The following ZNF529 variants were observed in gnomAD, a reference collection of about 807,000 sequenced individuals.
ZNF529 encodes the protein zinc finger protein 529.
In ZNF529, 11 loss-of-function variants were observed where a neutral mutation model predicts 10.1. The ratio of observed to expected loss-of-function variants is 1.09; its 90% CI spans 0.69 to 1.81. The LOEUF (loss-of-function observed/expected upper bound fraction) is 1.81. Ranked by LOEUF, ZNF529 falls within the 40% of genes most tolerant of loss-of-function variation. The pLI is 0.00. For synonymous variants in ZNF529, 204 were observed against 215.7 expected, an observed-to-expected ratio of 0.95 and a Z score of 0.47; for missense variants, 624 against 666.8, an observed-to-expected ratio of 0.94 and a Z score of 0.71.
Position 36,546,726 on chromosome 19 carries a change from G to A in ZNF529, c.*140C>T, listed in dbSNP as rs371856197. On this transcript the variant is annotated 3_prime_UTR_variant, in exon 5 of 5. Coordinates refer to ENST00000591340, the MANE Select transcript of ZNF529 (RefSeq NM_020951.5). ...ATCAGCTATGACTAAGCAATTCTAC[G>A]TCTACATACAGAATGACCATGAAGT... 3.2e-5 allele frequency: 27 copies of A among 854,636 alleles called. No homozygotes were observed. The highest frequency in any genetic ancestry group is 1.6e-4 in the South Asian group (8 of 51,346). The allele number at this position is 854,636 out of a possible 1,614,324, so 52.9% of individuals were successfully genotyped here. A position where few individuals can be genotyped will look rare whatever the true frequency, so the allele number is the denominator to read the frequency against.
intron 2 of ZNF529, among the ~76,000 whole-genome samples, chr19:36,585,638 T>C (rs1018832653): frequency 6.6e-6 from 1 of 152,230 alleles, no homozygotes; most frequent in Non-Finnish European, 1.5e-5. Context: ...AAATAAAAGC[T>C]GGAAAATTGC....
At chr19:36,549,047 AT>A (rs1358062396) in intron 4 of ZNF529, among the ~76,000 whole-genome samples, 1 of 152,154 alleles carries the variant, frequency 6.6e-6, no homozygotes, top group African/African-American at 2.4e-5. Context: ...ATCATTTTTC[AT>A]CTCCTAGATC....
chr19:36,585,721 T>C (rs981907469), intron 2 of ZNF529, among the ~76,000 whole-genome samples: 5 of 152,222 alleles, frequency 3.3e-5, no homozygotes, highest in Non-Finnish European at 7.3e-5. Context: ...AACTCATGAC[T>C]CCTTTCCATA....
chr19:36,598,398 G>C (rs991934491), intron 1 of ZNF529, among the ~76,000 whole-genome samples: 16 of 151,950 alleles, frequency 1.1e-4, no homozygotes, highest in Admixed American at 3.9e-4. Flanking sequence ...TGTAGTCCCA[G>C]CTACTCAGGA....
intron 3 of ZNF529, among the ~76,000 whole-genome samples, chr19:36,555,686 G>C (rs1253147073): frequency 6.6e-6 from 1 of 152,120 alleles, no homozygotes; most frequent in South Asian, 2.1e-4. Flanking sequence ...CCAACGTTTA[G>C]GTTAGAGAAG....
upstream of ZNF529, chr19:36,577,240 G>C (rs555882898): frequency 1.6e-5 from 7 of 445,834 alleles, no homozygotes; most frequent in South Asian, 9.6e-5. Flanking sequence ...GATTACAGGT[G>C]TGAACCACCG....
intron 1 of ZNF529, among the ~76,000 whole-genome samples, chr19:36,598,246 A>C (rs888763722): frequency 3.3e-5 from 5 of 152,186 alleles, no homozygotes; most frequent in Non-Finnish European, 7.3e-5. Context: ...GCAGTGGCTC[A>C]TGCCTGTAAT....
At chr19:36,580,865 G>A (rs938621351) in intron 2 of ZNF529, 2 of 152,106 alleles carry the variant, frequency 1.3e-5, no homozygotes, top group Non-Finnish European at 1.5e-5. Flanking sequence ...TATTTACATA[G>A]CATTTACATT....
At chr19:36,560,528 A>G (rs913995517) in intron 2 of ZNF529, among the ~76,000 whole-genome samples, 3 of 152,208 alleles carry the variant, frequency 2.0e-5, no homozygotes, top group Non-Finnish European at 4.4e-5. Flanking sequence ...ACCCAAAGTG[A>G]GAAATCAGAT....
intron 2 of ZNF529, among the ~76,000 whole-genome samples, chr19:36,559,970 G>A (rs2035619081): frequency 6.6e-6 from 1 of 152,030 alleles, no homozygotes; most frequent in South Asian, 2.1e-4. Context: ...AAAAAACAAA[G>A]AGAAGTGGCC....
In ZNF529 at chr19:36,546,067, A is replaced by T. The variant is rs1188357506; in HGVS notation, c.*799T>A. The T allele has an allele frequency of 6.8e-6, 1 of 147,714 alleles. No homozygotes were observed. The highest frequency in any genetic ancestry group is 1.5e-5 in the Non-Finnish European group (1 of 66,714). 9.2% of individuals were successfully genotyped at this position (147,714 alleles called of 1,614,324 possible). ...ATATTGTGTGTGTGTGTGTGTATAT[A>T]TATATATATATATAGTGTGTTATGT... On this transcript the variant is annotated 3_prime_UTR_variant, in exon 5 of 5. Coordinates refer to ENST00000591340, the MANE Select transcript of ZNF529 (RefSeq NM_020951.5).
At position 36,545,251 on chromosome 19, in the gene ZNF529, G is replaced by C; in HGVS notation, c.*1615C>G. 1 of 152,358 alleles carries C rather than the reference G, an allele frequency of 6.6e-6. No homozygotes were observed. The highest frequency in any genetic ancestry group is 1.9e-4 in the East Asian group (1 of 5,208). The allele number at this position is 152,358 out of a possible 1,614,324, so 9.4% of individuals were successfully genotyped here. On this transcript the variant is annotated 3_prime_UTR_variant, in exon 5 of 5. Transcript: ENST00000591340. ...ATAAATAAATCCAATAACCAGGCTGGGTGCGGTGGCTCATGCCTGTAATCC... is the reference window on the plus strand; with the variant it reads ...ATAAATAAATCCAATAACCAGGCTGCGTGCGGTGGCTCATGCCTGTAATCC...
intron 4 of ZNF529, among the ~76,000 whole-genome samples, chr19:36,553,909 A>G (rs946188656): frequency 6.6e-6 from 1 of 152,224 alleles, no homozygotes; most frequent in Non-Finnish European, 1.5e-5. Context: ...ACATTGTATA[A>G]AATTACTTTC....
At chr19:36,602,443 CTTTT>C (rs34137129) in intron 1 of ZNF529, among the ~76,000 whole-genome samples, 1 of 146,706 alleles carries the variant, frequency 6.8e-6, no homozygotes, top group African/African-American at 2.5e-5. Flanking sequence ...TATTACTCTC[CTTTT>C]TTTTTTTTTC....
intron 4 of ZNF529, chr19:36,551,850 A>AT (rs1444499063): frequency 6.6e-6 from 1 of 152,138 alleles, no homozygotes; most frequent in Non-Finnish European, 1.5e-5. Context: ...ACATATCACT[A>AT]TATATGTTCT....
intron 2 of ZNF529, among the ~76,000 whole-genome samples, chr19:36,587,927 T>C (rs992504392): frequency 3.3e-5 from 5 of 152,120 alleles, no homozygotes; most frequent in Non-Finnish European, 7.3e-5. Flanking sequence ...ATTGTGGTGA[T>C]GCTTGAGCCC....
intron 2 of ZNF529, among the ~76,000 whole-genome samples, chr19:36,564,561 C>G (rs1251943495): frequency 6.6e-6 from 1 of 152,176 alleles, no homozygotes; most frequent in Non-Finnish European, 1.5e-5. Flanking sequence ...CATCTCATAT[C>G]AGTCAGAACA....
At chr19:36,557,779 G>C (rs2035537002) in intron 2 of ZNF529, among the ~76,000 whole-genome samples, 1 of 152,112 alleles carries the variant, frequency 6.6e-6, no homozygotes, top group Non-Finnish European at 1.5e-5. Flanking sequence ...ACAAACAAGA[G>C]ACAGGCAAAG....
At chr19:36,550,682 ATAAAAAG>A (rs2035227463) in intron 4 of ZNF529, among the ~76,000 whole-genome samples, 3 of 152,356 alleles carry the variant, frequency 2.0e-5, no homozygotes, top group Admixed American at 2.0e-4. Context: ...CATTTGTCTC[ATAAAAAG>A]TAAAAACTTA....
Sources: allele counts gnomAD v4.1 joint callset (sites outside exome capture counted in the v4.1 genomes callset), GRCh38; gene constraint gnomAD v4.1.1; transcripts MANE v1.5; gene names NCBI Gene and HGNC (gene_info 2026-07-23, HGNC 2026-07-21).